Variants in TOX3 observed in about 807,000 individuals in gnomAD.
TOX3 encodes TOX high mobility group box family member 3.
Under a neutral mutation model 64.3 loss-of-function variants are expected in TOX3, and 22 were observed. The ratio of observed to expected loss-of-function variants is 0.34; its 90% CI spans 0.24 to 0.49. The LOEUF (loss-of-function observed/expected upper bound fraction) is 0.49. TOX3 is among the 20% of genes least tolerant of loss of function. The pLI is 0.99. For synonymous variants in TOX3, 291 were observed against 273.6 expected, an observed-to-expected ratio of 1.06 and a Z score of -0.63; for missense variants, 661 against 714.4, an observed-to-expected ratio of 0.93 and a Z score of 0.85.
intron 1 of TOX3, among the ~76,000 whole-genome samples, chr16:52,469,796 TG>T (rs1393282312): frequency 6.6e-6 from 1 of 152,134 alleles, no homozygotes; most frequent in Non-Finnish European, 1.5e-5. Flanking sequence ...CACTTATTTC[TG>T]GGGGGCTCTC....
chr16:52,477,204 G>A (rs1452350450), intron 1 of TOX3, among the ~76,000 whole-genome samples: 1 of 152,158 alleles, frequency 6.6e-6, no homozygotes, highest in Non-Finnish European at 1.5e-5. Context: ...CACAGGCTGT[G>A]TTCAAAGAAC....
At chr16:52,479,533 G>C (rs573283088) in intron 1 of TOX3, among the ~76,000 whole-genome samples, 6 of 152,196 alleles carry the variant, frequency 3.9e-5, no homozygotes, top group African/African-American at 1.2e-4. Context: ...GTCTTCTCTT[G>C]TATTTGGCAA....
rs141936960 is a variant in TOX3 at position 52,479,101 on chromosome 16, G to A, written c.88-10527C>T. ...TCCTCATGACAGGTACTACGTGGAGGAGGTATTTGAAGTACTCCCCCTTGA... is the reference window on the plus strand; with the variant it reads ...TCCTCATGACAGGTACTACGTGGAGAAGGTATTTGAAGTACTCCCCCTTGA... On this transcript the variant is annotated intron_variant, in intron 1 of 6. Transcript: ENST00000219746. Among the ~76,000 whole-genome samples, 902 of 152,314 alleles carry A rather than the reference G, an allele frequency of 5.9e-3. 13 individuals are homozygous for A. The highest frequency in any genetic ancestry group is 0.02 in the African/African-American group (839 of 41,576).
At chr16:52,512,439 T>A (rs533463746) in intron 1 of TOX3, among the ~76,000 whole-genome samples, 206 of 152,330 alleles carry the variant, frequency 1.4e-3, no homozygotes, top group African/African-American at 4.5e-3. Flanking sequence ...TTCTATTTAC[T>A]CAGAGCATAG....
At position 52,439,912 on chromosome 16, in the gene TOX3, C is replaced by T. The variant is rs377740300; in HGVS notation, c.1044G>A (p.Ala348=). The change falls in exon 7 of 7, where the codon GCG becomes GCA. Residue 348 remains alanine (A), a synonymous_variant. Transcript: ENST00000219746. ...QTIRSVQQTL[A]STNLTSSLLL... is the part of the protein sequence containing the mutation. ...GGAGAGAGGATGTTAGATTGGTCGA[C>T]GCCAGGGTCTGCTGAACAGAACGGA... 243 of 1,607,408 alleles carry T rather than the reference C, an allele frequency of 1.5e-4. No homozygotes were observed. The highest frequency in any genetic ancestry group is 2.0e-4 in the Non-Finnish European group (230 of 1,176,418).
chr16:52,546,932 C>T lies in TOX3; in HGVS notation c.-209G>A. 1 of 1,023,912 alleles carries T rather than the reference C, an allele frequency of 9.8e-7. No individual in the cohort carries two copies. The highest frequency in any genetic ancestry group is 1.2e-6 in the Non-Finnish European group (1 of 856,488). The allele number at this position is 1,023,912 out of a possible 1,614,324, so 63.4% of individuals were successfully genotyped here. ...CGCGGCCACGCGAGCCGCGGGAGAGCGGGAGGCGGCCGGGGGGACGCGCCC... is the reference window on the plus strand; with the variant it reads ...CGCGGCCACGCGAGCCGCGGGAGAGTGGGAGGCGGCCGGGGGGACGCGCCC... On this transcript the variant is annotated 5_prime_UTR_variant, in exon 1 of 7. Coordinates refer to ENST00000219746, the MANE Select transcript of TOX3 (RefSeq NM_001080430.4).
chr16:52,539,074 C>A (rs1008501351), intron 1 of TOX3, among the ~76,000 whole-genome samples: 5 of 152,170 alleles, frequency 3.3e-5, no homozygotes, highest in Admixed American at 6.5e-5. Context: ...AAAACAGATT[C>A]TCTAAAATAG....
At chr16:52,507,397 CCA>C (rs566804352) in intron 1 of TOX3, among the ~76,000 whole-genome samples, 146 of 152,256 alleles carry the variant, frequency 9.6e-4, no homozygotes, top group African/African-American at 3.2e-3. Context: ...GACCCCATCT[CCA>C]CACACACAAA....
At chr16:52,528,539 C>A (rs73588830) in intron 1 of TOX3, among the ~76,000 whole-genome samples, 2,119 of 152,116 alleles carry the variant, frequency 0.014, 58 homozygotes, top group African/African-American at 0.047. Context: ...CCAGTTCAAA[C>A]CGGGCAGACT....
intron 3 of TOX3, among the ~76,000 whole-genome samples, chr16:52,453,342 C>A (rs994154853): frequency 2.6e-5 from 4 of 152,028 alleles, no homozygotes; most frequent in African/African-American, 9.7e-5. Flanking sequence ...CACCACCATA[C>A]CCAGCTAATT....
At chr16:52,492,473 C>A (rs892535686) in intron 1 of TOX3, among the ~76,000 whole-genome samples, 3 of 122,268 alleles carry the variant, frequency 2.5e-5, no homozygotes, top group African/African-American at 9.6e-5. Flanking sequence ...ATATGATGAC[C>A]AATTTATATA....
At chr16:52,471,895 A>G (rs143654883) in intron 1 of TOX3, among the ~76,000 whole-genome samples, 146 of 152,278 alleles carry the variant, frequency 9.6e-4, no homozygotes, top group African/African-American at 3.2e-3. Flanking sequence ...GCCGAAGGTT[A>G]TAGATTCAAC....
At chr16:52,473,513 C>T (rs1961109783) in intron 1 of TOX3, among the ~76,000 whole-genome samples, 1 of 152,198 alleles carries the variant, frequency 6.6e-6, no homozygotes. Flanking sequence ...GTGTGCCACG[C>T]ACGGTCACAT....
chr16:52,538,831 G>A (rs1963016873), intron 1 of TOX3, among the ~76,000 whole-genome samples: 1 of 152,150 alleles, frequency 6.6e-6, no homozygotes, highest in Non-Finnish European at 1.5e-5. Context: ...GCCTCCCTGA[G>A]GAAGAGATTA....
Position 52,547,037 on chromosome 16 carries a change from G to T in TOX3, c.-314C>A. The T allele has an allele frequency of 1.3e-6, 1 of 778,582 alleles. No homozygotes were observed. Among genetic ancestry groups the T allele is most frequent in the Non-Finnish European group, 1.6e-6 (1 of 643,236 alleles). The allele number at this position is 778,582 out of a possible 1,614,324, so 48.2% of individuals were successfully genotyped here. On this transcript the variant is annotated 5_prime_UTR_variant, in exon 1 of 7. Coordinates refer to ENST00000219746, the MANE Select transcript of TOX3 (RefSeq NM_001080430.4). ...GCGGCGCTGGGGCCCGGGTCGGCGA[G>T]GCGAGTTCAGGTGCGCTGGGCGAGG...
At chr16:52,465,408 A>T (rs73583147) in intron 2 of TOX3, among the ~76,000 whole-genome samples, 239 of 135,948 alleles carry the variant, frequency 1.8e-3, no homozygotes, top group African/African-American at 6.4e-3. Flanking sequence ...TTTTGGGGGG[A>T]TTTTTTTGGC....
At chr16:52,476,137 A>AT (rs1278449203) in intron 1 of TOX3, among the ~76,000 whole-genome samples, 8 of 152,318 alleles carry the variant, frequency 5.3e-5, no homozygotes, top group African/African-American at 1.9e-4. Context: ...TGAAGTGACC[A>AT]TCCAGCCCCT....
At chr16:52,496,926 C>G (rs1403943915) in intron 1 of TOX3, among the ~76,000 whole-genome samples, 1 of 149,098 alleles carries the variant, frequency 6.7e-6, no homozygotes, top group East Asian at 2.0e-4. Context: ...AAAAAAAAAG[C>G]AAGTGTTTAA....
chr16:52,515,895 T>C (rs911682529), intron 1 of TOX3, among the ~76,000 whole-genome samples: 1 of 152,340 alleles, frequency 6.6e-6, no homozygotes, highest in East Asian at 1.9e-4. Context: ...ATCAATCTTC[T>C]GAAATGCTAA....
Sources: gnomAD v4.1 joint callset for allele counts (sites outside exome capture counted in the v4.1 genomes callset) on GRCh38, gnomAD v4.1.1 for gene constraint, MANE v1.5 for transcripts, NCBI Gene and HGNC (gene_info 2026-07-23, HGNC 2026-07-21) for gene names.